The following FYB1 variants were observed in gnomAD, a reference collection of about 807,000 sequenced individuals.
The protein encoded by FYB1 is FYN-binding protein 1.
Under a neutral mutation model 94.1 loss-of-function variants are expected in FYB1, and 41 were observed. The ratio of observed to expected loss-of-function variants is 0.44; its 90% CI spans 0.34 to 0.57. FYB1 has a LOEUF of 0.57. Ranked by LOEUF, FYB1 falls within the 20% of genes least tolerant of loss-of-function variation. The pLI is 0.02. For missense variants in FYB1, 1,050 were observed against 976.8 expected (o/e 1.07, Z -1.00); for synonymous variants, 367 against 353.2 (o/e 1.04, Z -0.44).
At chr5:39,270,086 C>CT (rs1286265476) in intron 1 of FYB1, among the ~76,000 whole-genome samples, 4 of 152,010 alleles carry the variant, frequency 2.6e-5, no homozygotes, top group Non-Finnish European at 4.4e-5. Context: ...ACTGTTTGGG[C>CT]TTTTTTTGCG....
chr5:39,270,584 G>A (rs696753), intron 1 of FYB1: 29 of 1,535,124 alleles, frequency 1.9e-5, no homozygotes, highest in Non-Finnish European at 2.5e-5. Context: ...TTATTGAAAA[G>A]AGTTGATATG....
At chr5:39,209,287 C>G (rs1015245796) in intron 1 of FYB1, among the ~76,000 whole-genome samples, 15 of 151,876 alleles carry the variant, frequency 9.9e-5, no homozygotes, top group Admixed American at 2.0e-4. Context: ...GATAATAGAA[C>G]AGCAGTGATC....
At position 39,201,567 on chromosome 5, in the gene FYB1, A is replaced by G. The variant is rs549209101; in HGVS notation, c.1135+259T>C. ...TGGTTATCATTAAGCAAAACCACGT[A>G]TCAATGAAGTGGATGCATTCCCTCT... On this transcript the variant is annotated intron_variant, in intron 2 of 18. Transcript: ENST00000512982. Among the ~76,000 whole-genome samples, 6 of 152,344 alleles carry G rather than the reference A, an allele frequency of 3.9e-5. 1 individual carries two copies. The South Asian group carries it at 1.0e-3, about 26-fold the overall frequency.
At position 39,119,039 on chromosome 5, in the gene FYB1, A is replaced by G. The variant is rs781580515; in HGVS notation, c.2239-3T>C. 1.1e-6 allele frequency: 1 copy of G among 916,454 alleles called. No individual in the cohort carries two copies. The highest frequency in any genetic ancestry group is 1.5e-6 in the Non-Finnish European group (1 of 671,680). 56.8% of individuals were successfully genotyped at this position (916,454 alleles called of 1,614,324 possible). ...AGGACTCTAATTTCACCATCATACT[A>G]AAAAAAAAAGAACAATATTTAAATT... is the stretch of plus-strand genomic sequence containing the variant. On this transcript the variant is annotated splice_polypyrimidine_tract_variant and splice_region_variant and intron_variant, in intron 15 of 18. Transcript: ENST00000512982.
rs184995035 is a variant in FYB1, at chr5:39,250,408, A to G, written c.-28+23995T>C. On this transcript the variant is annotated intron_variant, in intron 1 of 1. Coordinates refer to the FYB1 transcript ENST00000510188. ...GTATTGCAGAAATCGAGGAAAGACT[A>G]TCAAATGCCATCAACATGTTTAACA... Among the ~76,000 whole-genome samples, 3 of 152,350 alleles carry G rather than the reference A, an allele frequency of 2.0e-5. No individual in the cohort carries two copies. In the East Asian group the frequency reaches 5.8e-4, roughly 29 times the overall value.
At chr5:39,178,131 AG>A (rs1370908783) in intron 2 of FYB1, among the ~76,000 whole-genome samples, 1 of 152,200 alleles carries the variant, frequency 6.6e-6, no homozygotes, top group Non-Finnish European at 1.5e-5. Flanking sequence ...AAGAACAAAA[AG>A]GTTCTGTGGT....
intron 1 of FYB1, among the ~76,000 whole-genome samples, chr5:39,209,327 ATG>A (rs1244993379): frequency 4.6e-5 from 4 of 87,578 alleles, no homozygotes; most frequent in South Asian, 4.5e-4. Flanking sequence ...CTGTTTAAAT[ATG>A]TTTTTTTTTT....
Position 39,212,166 on chromosome 5 carries a change from G to A in FYB1, c.-28+7277C>T, listed in dbSNP as rs148714326. ...ACAAAAGAATATGCAATATTAGCCA[G>A]GCACAGTGGTGAGTGCCTGTAGTCC... On this transcript the variant is annotated intron_variant, in intron 1 of 18. Coordinates refer to ENST00000512982, the MANE Select transcript of FYB1 (RefSeq NM_001465.6). 1.6e-3 allele frequency among the ~76,000 whole-genome samples: 242 copies of A among 152,214 alleles called. 1 individual carries two copies. The highest frequency in any genetic ancestry group is 5.3e-3 in the African/African-American group (221 of 41,518).
At chr5:39,217,967 G>A (rs1749999760) in intron 1 of FYB1, among the ~76,000 whole-genome samples, 1 of 152,202 alleles carries the variant, frequency 6.6e-6, no homozygotes, top group Admixed American at 6.5e-5. Context: ...ACCACTAGAT[G>A]TCAGTGTGAT....
chr5:39,200,316 C>T (rs1748198600), intron 2 of FYB1, among the ~76,000 whole-genome samples: 1 of 152,116 alleles, frequency 6.6e-6, no homozygotes, highest in African/African-American at 2.4e-5. Flanking sequence ...AGCGTGACAC[C>T]GGGCAACATG....
chr5:39,181,456 T>C (rs1372591999), intron 2 of FYB1, among the ~76,000 whole-genome samples: 1 of 152,148 alleles, frequency 6.6e-6, no homozygotes. Flanking sequence ...GATAGATCTA[T>C]AGTCTGTCAG....
rs1012463065 is a variant in FYB1 at position 39,107,311 on chromosome 5, A to G, written c.*132T>C. 1 of 537,430 alleles carries G rather than the reference A, an allele frequency of 1.9e-6. No individual in the cohort carries two copies. Among genetic ancestry groups the G allele is most frequent in the African/African-American group, 2.0e-5 (1 of 50,892 alleles). 33.3% of individuals were successfully genotyped at this position (537,430 alleles called of 1,614,324 possible). On this transcript the variant is annotated 3_prime_UTR_variant, in exon 19 of 19. Coordinates refer to ENST00000512982, the MANE Select transcript of FYB1 (RefSeq NM_001465.6). ...AAACTTTAAACACTTTGTAAAGATA[A>G]TTGGGATTTCATAACAAATGATAAT...
At chr5:39,125,191 T>A (rs1408511624) in intron 12 of FYB1, among the ~76,000 whole-genome samples, 1 of 152,170 alleles carries the variant, frequency 6.6e-6, no homozygotes, top group Non-Finnish European at 1.5e-5. Context: ...TATTGACTTG[T>A]TGCTTTGGTG....
chr5:39,149,836 C>T (rs1743087900), intron 3 of FYB1, among the ~76,000 whole-genome samples: 1 of 152,118 alleles, frequency 6.6e-6, no homozygotes, highest in Non-Finnish European at 1.5e-5. Flanking sequence ...CCTCCCAGGC[C>T]TCAGAGAGTT....
At chr5:39,255,296 A>T (rs1020865375) in intron 1 of FYB1, among the ~76,000 whole-genome samples, 3 of 152,124 alleles carry the variant, frequency 2.0e-5, no homozygotes, top group Non-Finnish European at 4.4e-5. Flanking sequence ...CACGCTTTTT[A>T]AAAAAATTTT....
intron 2 of FYB1, among the ~76,000 whole-genome samples, chr5:39,185,511 C>T (rs834251): frequency 0.26 from 34,329 of 129,634 alleles, 4,304 homozygotes; most frequent in African/African-American, 0.35. Context: ...GAAAAGATAA[C>T]TGACTAAAAA....
At chr5:39,137,856 C>A (rs1345478097) in intron 6 of FYB1, 136 bp from the exon 7 acceptor site, 1 of 1,124,014 alleles carries the variant, frequency 8.9e-7, no homozygotes. Flanking sequence ...GAAAGGTTGT[C>A]AAAATCCGGA....
chr5:39,153,349 C>T (rs560124176), intron 3 of FYB1, 99 bp downstream of exon 3: 4 of 1,468,382 alleles, frequency 2.7e-6, no homozygotes, highest in Non-Finnish European at 3.8e-6. Context: ...TTTGTAGACC[C>T]AGAAGTTTCC....
intron 12 of FYB1, among the ~76,000 whole-genome samples, chr5:39,125,361 A>C (rs558350861): frequency 3.3e-5 from 5 of 152,150 alleles, no homozygotes; most frequent in Non-Finnish European, 5.9e-5. Flanking sequence ...ATTTATACTA[A>C]AGGATTATTT....
Sources: allele counts gnomAD v4.1 joint callset (sites outside exome capture counted in the v4.1 genomes callset), GRCh38; gene constraint gnomAD v4.1.1; transcripts MANE v1.5; gene names NCBI Gene and HGNC (gene_info 2026-07-23, HGNC 2026-07-21).